ADAMTSL3: variants seen among roughly 807,000 people sequenced by gnomAD.
ADAMTSL3 encodes the protein ADAMTS like 3, also known as ADAMTS-like protein 3.
In ADAMTSL3, 128 loss-of-function variants were observed where a neutral mutation model predicts 201.7. That is an observed-to-expected ratio of 0.63 (90% CI 0.55 to 0.73). The LOEUF is 0.73. Among genes scored for constraint, ADAMTSL3 ranks in the 30% least tolerant of loss-of-function variants. The pLI is 0.00. For missense variants in ADAMTSL3, 1,990 were observed against 2,119.6 expected (o/e 0.94, Z 1.20); for synonymous variants, 738 against 748.4 (o/e 0.99, Z 0.23).
intron 7 of ADAMTSL3, among the ~76,000 whole-genome samples, chr15:83,842,957 G>A (rs964435834): frequency 2.6e-5 from 4 of 152,216 alleles, no homozygotes; most frequent in African/African-American, 9.6e-5. Flanking sequence ...TTGAACCAGG[G>A]TAAATGCCAG....
chr15:83,759,650 A>G (rs2141699539), intron 3 of ADAMTSL3, among the ~76,000 whole-genome samples: 1 of 152,286 alleles, frequency 6.6e-6, no homozygotes, highest in Admixed American at 6.5e-5. Flanking sequence ...TGGAACCCAA[A>G]AAGGAAGTGA....
chr15:83,684,723 G>A (rs909016089), intron 2 of ADAMTSL3, among the ~76,000 whole-genome samples: 17 of 151,698 alleles, frequency 1.1e-4, no homozygotes, highest in Admixed American at 7.9e-4. Context: ...TCACTGTTGT[G>A]TAGTATCTCA....
At position 84,030,291 on chromosome 15, in the gene ADAMTSL3, G is replaced by A. The variant is rs563015157; in HGVS notation, c.4657-1044G>A. 1.9e-3 allele frequency among the ~76,000 whole-genome samples: 294 copies of A among 152,284 alleles called. 1 individual carries two copies. Among genetic ancestry groups the A allele is most frequent in the African/African-American group, 6.9e-3 (287 of 41,548 alleles). ...ATGAAAGCAGCCAGGAGTGAGGACT[G>A]TACCCTGCAAAGCCACAGAGGAGGA... On this transcript the variant is annotated intron_variant, in intron 27 of 29. Coordinates refer to ENST00000286744, the MANE Select transcript of ADAMTSL3 (RefSeq NM_207517.3).
chr15:84,027,289 T>C (rs1197901268), intron 27 of ADAMTSL3, among the ~76,000 whole-genome samples: 1 of 152,200 alleles, frequency 6.6e-6, no homozygotes, highest in Admixed American at 6.5e-5. Context: ...TGTAAAATGG[T>C]ACAGACACTT....
At chr15:84,019,076 TAC>T (rs71453219) in intron 25 of ADAMTSL3, among the ~76,000 whole-genome samples, 22,584 of 139,096 alleles carry the variant, frequency 0.16, 1,932 homozygotes, top group Non-Finnish European at 0.21. Flanking sequence ...CACACACACA[TAC>T]ACACACACAC....
In ADAMTSL3 at chr15:83,995,145, G is replaced by T. The variant is rs1389566827; in HGVS notation, c.3973+3931G>T. Among the ~76,000 whole-genome samples, 4 of 152,252 alleles carry T rather than the reference G, an allele frequency of 2.6e-5. No homozygotes were observed. In the East Asian group the frequency reaches 7.8e-4, roughly 30 times the overall value. ...GTGGGCCTCTCTGGAAGGGGCATAT[G>T]TGCTCTTGGGTCGGCGGAGACAGAT... On this transcript the variant is annotated intron_variant, in intron 23 of 29. Transcript: ENST00000286744.
At chr15:84,015,612 A>G (rs2068075987) in intron 24 of ADAMTSL3, among the ~76,000 whole-genome samples, 1 of 152,074 alleles carries the variant, frequency 6.6e-6, no homozygotes, top group South Asian at 2.1e-4. Context: ...TCTCCCTGCT[A>G]CCCCTCATGG....
At chr15:83,707,299 A>G (rs1382631944) in intron 3 of ADAMTSL3, among the ~76,000 whole-genome samples, 2 of 152,196 alleles carry the variant, frequency 1.3e-5, no homozygotes, top group Non-Finnish European at 2.9e-5. Context: ...TGGTACATAT[A>G]AGCATTTAAT....
intron 4 of ADAMTSL3, among the ~76,000 whole-genome samples, chr15:83,773,876 T>C (rs2063028415): frequency 1.3e-5 from 2 of 152,218 alleles, no homozygotes; most frequent in Non-Finnish European, 2.9e-5. Context: ...CTGGACACTT[T>C]GGGCTTTGAG....
At chr15:83,748,343 T>C (rs1356884932) in intron 3 of ADAMTSL3, among the ~76,000 whole-genome samples, 1 of 152,110 alleles carries the variant, frequency 6.6e-6, no homozygotes, top group Non-Finnish European at 1.5e-5. Flanking sequence ...ATGATGCTAG[T>C]TCTTAGGGAT....
intron 17 of ADAMTSL3, among the ~76,000 whole-genome samples, chr15:83,930,597 C>T (rs2066337253): frequency 6.6e-6 from 1 of 152,184 alleles, no homozygotes; most frequent in African/African-American, 2.4e-5. Context: ...CAATCTCTTG[C>T]CCACAGAGCT....
At chr15:83,664,902 C>T (rs2061227849) in intron 2 of ADAMTSL3, among the ~76,000 whole-genome samples, 2 of 152,120 alleles carry the variant, frequency 1.3e-5, no homozygotes, top group Admixed American at 6.5e-5. Context: ...GTCGCTTAAG[C>T]CCAGGCAGTT....
intron 23 of ADAMTSL3, among the ~76,000 whole-genome samples, chr15:84,006,064 C>A (rs983544582): frequency 6.6e-6 from 1 of 152,182 alleles, no homozygotes; most frequent in Admixed American, 6.5e-5. Context: ...ACGTTCCTTA[C>A]AAAATTTACT....
chr15:84,035,887 A>C (rs1300369260), intron 28 of ADAMTSL3, among the ~76,000 whole-genome samples: 4 of 152,166 alleles, frequency 2.6e-5, no homozygotes, highest in Non-Finnish European at 5.9e-5. Flanking sequence ...CTCTTTATGA[A>C]AACTGGTTTT....
chr15:83,683,380 C>A (rs775392702), intron 2 of ADAMTSL3, among the ~76,000 whole-genome samples: 2 of 152,184 alleles, frequency 1.3e-5, no homozygotes, highest in Non-Finnish European at 2.9e-5. Flanking sequence ...TCCTTCAACA[C>A]TCAAGACATC....
intron 13 of ADAMTSL3, among the ~76,000 whole-genome samples, chr15:83,894,467 G>A (rs1254263610): frequency 1.3e-5 from 2 of 152,052 alleles, no homozygotes; most frequent in African/African-American, 4.8e-5. Context: ...TAAGAGTGTT[G>A]CAGCATTCAA....
At chr15:83,839,118 C>A (rs2064328341) in intron 7 of ADAMTSL3, among the ~76,000 whole-genome samples, 1 of 152,234 alleles carries the variant, frequency 6.6e-6, no homozygotes, top group South Asian at 2.1e-4. Context: ...TATAATAATT[C>A]TTTCTGAATA....
At chr15:84,011,104 C>G (rs939492816) in intron 23 of ADAMTSL3, among the ~76,000 whole-genome samples, 1 of 152,130 alleles carries the variant, frequency 6.6e-6, no homozygotes, top group Non-Finnish European at 1.5e-5. Flanking sequence ...GTAGGCACTC[C>G]ATAAACATTT....
chr15:83,967,380 C>T (rs1376839929), intron 19 of ADAMTSL3, among the ~76,000 whole-genome samples: 1 of 152,110 alleles, frequency 6.6e-6, no homozygotes, highest in African/African-American at 2.4e-5. Context: ...TCCTATACAA[C>T]AATAATAGAC....
Sources: gnomAD v4.1 joint callset for allele counts (sites outside exome capture counted in the v4.1 genomes callset) on GRCh38, gnomAD v4.1.1 for gene constraint, MANE v1.5 for transcripts, NCBI Gene and HGNC (gene_info 2026-07-23, HGNC 2026-07-21) for gene names.